RFC3: variants seen among roughly 807,000 people sequenced by gnomAD.
The protein encoded by RFC3 is replication factor C subunit 3, also known as A1 38 kDa subunit.
A neutral mutation model predicts 45.1 loss-of-function variants in RFC3; 41 were observed. That is an observed-to-expected ratio of 0.91 (90% CI 0.71 to 1.18). RFC3 has a LOEUF of 1.18. RFC3 is among the 50% of genes most tolerant of loss of function. The pLI is 0.00. For missense variants in RFC3, 423 were observed against 428.1 expected (o/e 0.99, Z 0.10); for synonymous variants, 149 against 144.0 (o/e 1.03, Z -0.25).
intron 8 of RFC3, chr13:33,850,685 T>C (rs1380940138): frequency 6.6e-6 from 1 of 152,160 alleles, no homozygotes; most frequent in Non-Finnish European, 1.5e-5. Context: ...ACATAAGTAT[T>C]GTTTTGAAAA....
At chr13:33,902,060 G>A (rs992461923) in intron 8 of RFC3, among the ~76,000 whole-genome samples, 3 of 151,978 alleles carry the variant, frequency 2.0e-5, no homozygotes, top group African/African-American at 7.2e-5. Flanking sequence ...AAGCTGTGAT[G>A]GTGGAATAAC....
chr13:33,971,992 G>A, the RFC3 span, among the ~76,000 whole-genome samples: 1 of 152,154 alleles, frequency 6.6e-6, no homozygotes, highest in African/African-American at 2.4e-5. Flanking sequence ...GCGTGCACCT[G>A]TAGTCCTAGC....
At position 33,823,946 on chromosome 13, in the gene RFC3, C is replaced by A; in HGVS notation, c.255C>A (p.Ser85Arg). 6.4e-7 allele frequency: 1 copy of A among 1,565,506 alleles called. No homozygotes were observed. Among genetic ancestry groups the A allele is most frequent in the Non-Finnish European group, 8.7e-7 (1 of 1,143,064 alleles). Residue 85 changes from serine (S) to arginine (R), a missense_variant, in exon 3 of 9, where the codon AGC becomes AGA. Ser to Arg is a moderately radical substitution (Grantham distance 110). Coordinates refer to ENST00000380071, the MANE Select transcript of RFC3 (RefSeq NM_002915.4). ...TTPSKKKIEI[S>R]TIASNYHLEV... ...CATCTAAAAAAAAAATTGAAATTAG[C>A]ACCATTGCAAGTAACTACCACCTTG...
chr13:33,936,730 A>G (rs953362755), intron 8 of RFC3, among the ~76,000 whole-genome samples: 1 of 152,190 alleles, frequency 6.6e-6, no homozygotes, highest in African/African-American at 2.4e-5. Flanking sequence ...TCCTGCCGAC[A>G]TCTTGATCTC....
intron 8 of RFC3, among the ~76,000 whole-genome samples, chr13:33,892,230 C>G (rs1221496059): frequency 6.6e-6 from 1 of 152,004 alleles, no homozygotes; most frequent in Non-Finnish European, 1.5e-5. Context: ...AGCAGGTAAG[C>G]TAAGCTTAAC....
chr13:33,933,291 G>T (rs17080232), intron 8 of RFC3, among the ~76,000 whole-genome samples: 17,104 of 152,102 alleles, frequency 0.11, 2,027 homozygotes, highest in African/African-American at 0.3. Context: ...AACAAAGAAT[G>T]TGCAATAACC....
chr13:33,884,477 TCTA>T (rs1428500310), intron 8 of RFC3, among the ~76,000 whole-genome samples: 1 of 152,214 alleles, frequency 6.6e-6, no homozygotes, highest in Non-Finnish European at 1.5e-5. Flanking sequence ...TATTCTCATT[TCTA>T]CTATGTCTTC....
chr13:33,941,658 G>A (rs1332479112), intron 8 of RFC3, among the ~76,000 whole-genome samples: 4 of 151,554 alleles, frequency 2.6e-5, no homozygotes, highest in Non-Finnish European at 4.4e-5. Flanking sequence ...GTTTTCTTTG[G>A]CTATCTTTAA....
downstream of RFC3, among the ~76,000 whole-genome samples, chr13:33,969,472 TC>T (rs1486346296): frequency 6.6e-6 from 1 of 152,014 alleles, no homozygotes; most frequent in Non-Finnish European, 1.5e-5. Context: ...AACCCCAGAG[TC>T]CTCTGAACAC....
chr13:33,861,088 A>G (rs1335225321), intron 8 of RFC3, among the ~76,000 whole-genome samples: 1 of 152,120 alleles, frequency 6.6e-6, no homozygotes, highest in Admixed American at 6.6e-5. Context: ...AACAGATTAC[A>G]TAACATTTTA....
intron 8 of RFC3, among the ~76,000 whole-genome samples, chr13:33,912,320 A>T (rs1014187345): frequency 6.6e-6 from 1 of 152,054 alleles, no homozygotes; most frequent in Non-Finnish European, 1.5e-5. Flanking sequence ...CCCCACAGTG[A>T]TGGTGGTAAT....
downstream of RFC3, among the ~76,000 whole-genome samples, chr13:33,971,552 C>T (rs1419974337): frequency 6.6e-6 from 1 of 152,198 alleles, no homozygotes; most frequent in Non-Finnish European, 1.5e-5. Context: ...CTCAATTCTG[C>T]CGTTATGGCA....
intron 8 of RFC3, among the ~76,000 whole-genome samples, chr13:33,947,801 C>G (rs551228166): frequency 2.0e-5 from 3 of 152,254 alleles, no homozygotes; most frequent in African/African-American, 7.2e-5. Context: ...TATGCTTTAG[C>G]AAAGACACTG....
intron 5 of RFC3, among the ~76,000 whole-genome samples, chr13:33,830,385 G>C (rs955877351): frequency 1.3e-5 from 2 of 152,092 alleles, no homozygotes; most frequent in Non-Finnish European, 2.9e-5. Flanking sequence ...CTAGTCCCTA[G>C]GAAGGGAATT....
Position 33,831,890 on chromosome 13 carries a change from G to A in RFC3, c.809+536G>A, listed in dbSNP as rs3135609. 2.9e-3 allele frequency among the ~76,000 whole-genome samples: 446 copies of A among 152,228 alleles called. 1 individual carries two copies. The highest frequency in any genetic ancestry group is 0.01 in the African/African-American group (430 of 41,530). Reference sequence around the variant, plus strand: ...CCAAGGGTACTTTTGCATTTGTTGTGAAGAGCAAAAGAGTTATTAATGGTT... The same window carrying A: ...CCAAGGGTACTTTTGCATTTGTTGTAAAGAGCAAAAGAGTTATTAATGGTT... On this transcript the variant is annotated intron_variant, in intron 7 of 8. Coordinates refer to ENST00000380071, the MANE Select transcript of RFC3 (RefSeq NM_002915.4).
At chr13:33,903,812 C>T (rs2082655920) in intron 8 of RFC3, among the ~76,000 whole-genome samples, 1 of 152,022 alleles carries the variant, frequency 6.6e-6, no homozygotes, top group African/African-American at 2.4e-5. Flanking sequence ...GCTCTCTTTC[C>T]TTGGTGATAA....
chr13:33,873,466 T>G (rs1566011331), intron 8 of RFC3, among the ~76,000 whole-genome samples: 1 of 152,190 alleles, frequency 6.6e-6, no homozygotes, highest in Non-Finnish European at 1.5e-5. Context: ...ATACCAGAAA[T>G]TTCTGTTGGG....
chr13:33,913,537 A>T (rs1010351044), intron 8 of RFC3, among the ~76,000 whole-genome samples: 1 of 152,162 alleles, frequency 6.6e-6, no homozygotes, highest in African/African-American at 2.4e-5. Context: ...ATTCTGGTTT[A>T]AACTCCCATT....
intron 8 of RFC3, among the ~76,000 whole-genome samples, chr13:33,888,231 G>A: frequency 6.6e-6 from 1 of 152,130 alleles, no homozygotes; most frequent in East Asian, 1.9e-4. Flanking sequence ...TCTTCCACTG[G>A]CATGCAAGTT....
Sources: gnomAD v4.1 joint callset for allele counts (sites outside exome capture counted in the v4.1 genomes callset) on GRCh38, gnomAD v4.1.1 for gene constraint, MANE v1.5 for transcripts, NCBI Gene and HGNC (gene_info 2026-07-23, HGNC 2026-07-21) for gene names.